The following IL15 variants were observed in gnomAD, a reference collection of about 807,000 sequenced individuals.
The protein encoded by IL15 is interleukin 15, also known as interleukin-15.
A neutral mutation model predicts 19.6 loss-of-function variants in IL15; 11 were observed. The observed-to-expected ratio is 0.56, with a 90% confidence interval of 0.35 to 0.93. IL15 has a LOEUF of 0.93. Ranked by LOEUF, IL15 falls within the 40% of genes least tolerant of loss-of-function variation. IL15 has a pLI of 0.01. For synonymous variants in IL15, 58 were observed against 59.6 expected, an observed-to-expected ratio of 0.97 and a Z score of 0.12; for missense variants, 197 against 186.5, an observed-to-expected ratio of 1.06 and a Z score of -0.33.
rs75073421 is a variant in IL15, at chr4:141,669,855, C to G, written c.-100+13548C>G. Among the ~76,000 whole-genome samples, 973 of 151,230 alleles carry G rather than the reference C, an allele frequency of 6.4e-3. 13 individuals are homozygous for G. Among genetic ancestry groups the G allele is most frequent in the African/African-American group, 0.022 (915 of 41,202 alleles). The stretch of plus-strand genomic sequence containing the variant: ...GACACCAAAAAAAGCTGCAATCTAA[C>G]TTGGCTCATGACAGAGCCTTGACTG... On this transcript the variant is annotated intron_variant, in intron 2 of 7. Coordinates refer to ENST00000320650, the MANE Select transcript of IL15 (RefSeq NM_000585.5).
intron 1 of IL15, among the ~76,000 whole-genome samples, chr4:141,647,182 T>C (rs891170846): frequency 6.6e-5 from 10 of 152,002 alleles, no homozygotes; most frequent in African/African-American, 2.4e-4. Context: ...CTGGTCTTGA[T>C]TGAGTGGGAG....
intron 2 of IL15, among the ~76,000 whole-genome samples, chr4:141,690,204 C>T (rs1016368507): frequency 1.3e-5 from 2 of 152,318 alleles, no homozygotes; most frequent in Admixed American, 6.5e-5. Context: ...GGCCCGCAAG[C>T]GCCGCACGCA....
intron 1 of IL15, among the ~76,000 whole-genome samples, chr4:141,645,584 C>A (rs989731177): frequency 6.6e-6 from 1 of 152,176 alleles, no homozygotes. Flanking sequence ...TCCCACCACT[C>A]AGTCTCATAG....
intron 2 of IL15, 143 bp from the exon 3 acceptor site, chr4:141,719,223 A>C: frequency 2.7e-6 from 1 of 369,650 alleles, no homozygotes; most frequent in Non-Finnish European, 4.8e-6. Flanking sequence ...CCATACCATT[A>C]TTGTAAAGAT....
At position 141,665,505 on chromosome 4, in the gene IL15, G is replaced by A. The variant is rs541449279; in HGVS notation, c.-100+9198G>A. On this transcript the variant is annotated intron_variant, in intron 2 of 7. Transcript: ENST00000320650. ...AGTAGATGTTTTTGGATGAACTTAC[G>A]GATCATAGTGTCAAGTTCGCTTCTT... Among the ~76,000 whole-genome samples, 287 of 151,948 alleles carry A rather than the reference G, an allele frequency of 1.9e-3. 2 individuals carry two copies. The highest frequency in any genetic ancestry group is 6.6e-3 in the African/African-American group (273 of 41,460).
At chr4:141,731,964 A>C (rs376985955) in intron 7 of IL15, among the ~76,000 whole-genome samples, 5 of 152,196 alleles carry the variant, frequency 3.3e-5, no homozygotes, top group African/African-American at 1.2e-4. Context: ...GCTCAGTTCA[A>C]CCAATGGGTG....
chr4:141,701,171 G>A (rs1370176178), intron 2 of IL15, among the ~76,000 whole-genome samples: 1 of 152,010 alleles, frequency 6.6e-6, no homozygotes, highest in African/African-American at 2.4e-5. Context: ...GATCTTTTGG[G>A]GGTGTTATAG....
chr4:141,701,409 G>C (rs1176107647), intron 2 of IL15, among the ~76,000 whole-genome samples: 7 of 152,076 alleles, frequency 4.6e-5, no homozygotes, highest in Non-Finnish European at 1.0e-4. Flanking sequence ...GTTATAGAGA[G>C]ACGTTGTGTG....
chr4:141,714,937 TG>T (rs1729824873), intron 2 of IL15: 1 of 152,152 alleles, frequency 6.6e-6, no homozygotes, highest in Non-Finnish European at 1.5e-5. Flanking sequence ...ATGTATCCAA[TG>T]GCATATTTGA....
At chr4:141,724,756 A>T (rs1730203191) in intron 5 of IL15, among the ~76,000 whole-genome samples, 1 of 152,132 alleles carries the variant, frequency 6.6e-6, no homozygotes, top group African/African-American at 2.4e-5. Context: ...TGAAGATGAA[A>T]TAGACAATCC....
At chr4:141,727,159 C>G (rs1730292909) in intron 5 of IL15, among the ~76,000 whole-genome samples, 1 of 152,030 alleles carries the variant, frequency 6.6e-6, no homozygotes, top group Non-Finnish European at 1.5e-5. Context: ...ACCTGTAAAA[C>G]ATACAACACA....
At chr4:141,720,026 A>G (rs1730020867) in intron 3 of IL15, among the ~76,000 whole-genome samples, 1 of 152,120 alleles carries the variant, frequency 6.6e-6, no homozygotes, top group African/African-American at 2.4e-5. Flanking sequence ...TATTAATATA[A>G]TTCATTTTCA....
At chr4:141,695,433 C>G (rs1729060929) in intron 2 of IL15, among the ~76,000 whole-genome samples, 1 of 151,900 alleles carries the variant, frequency 6.6e-6, no homozygotes, top group Non-Finnish European at 1.5e-5. Flanking sequence ...GACTAAATAG[C>G]ATTCCATTGT....
chr4:141,674,631 A>C (rs956437326), intron 2 of IL15, among the ~76,000 whole-genome samples: 10 of 152,116 alleles, frequency 6.6e-5, no homozygotes, highest in African/African-American at 2.4e-4. Context: ...AGTTTCATAA[A>C]ATAAAATGTT....
chr4:141,642,375 C>T (rs1254936267), intron 1 of IL15, among the ~76,000 whole-genome samples: 2 of 152,176 alleles, frequency 1.3e-5, no homozygotes, highest in African/African-American at 4.8e-5. Flanking sequence ...CGTCTATGTC[C>T]ACAAAGCCCT....
chr4:141,655,734 A>G (rs551843183), intron 1 of IL15, among the ~76,000 whole-genome samples: 1 of 152,274 alleles, frequency 6.6e-6, no homozygotes, highest in African/African-American at 2.4e-5. Context: ...ACTACTTCGT[A>G]TTTGAGTGGA....
chr4:141,661,369 A>G (rs1727781064), intron 2 of IL15, among the ~76,000 whole-genome samples: 1 of 152,176 alleles, frequency 6.6e-6, no homozygotes, highest in Non-Finnish European at 1.5e-5. Flanking sequence ...TTGTTCCCAT[A>G]AGAGGCAGAT....
chr4:141,655,294 G>A (rs2152158153), intron 1 of IL15, among the ~76,000 whole-genome samples: 1 of 151,452 alleles, frequency 6.6e-6, no homozygotes, highest in Non-Finnish European at 1.5e-5. Flanking sequence ...AAAAGAAAAT[G>A]TTCTTTAAGA....
In IL15 at chr4:141,656,218, T is replaced by C. The variant is rs1466110631; in HGVS notation, c.-189T>C. The C allele has an allele frequency of 1.3e-5, 5 of 398,354 alleles. No individual in the cohort carries two copies. Among genetic ancestry groups the C allele is most frequent in the Non-Finnish European group, 2.2e-5 (5 of 225,958 alleles). 24.7% of individuals were successfully genotyped at this position (398,354 alleles called of 1,614,324 possible). A position where few individuals can be genotyped will look rare whatever the true frequency, so the allele number is the denominator to read the frequency against. On this transcript the variant is annotated 5_prime_UTR_variant, in exon 2 of 8. Coordinates refer to ENST00000320650, the MANE Select transcript of IL15 (RefSeq NM_000585.5). ...TCCAATATATGGCCATGTGGCTCTT[T>C]GGAGCAATGTTCCATCATGTTCCAT...
Sources: gnomAD v4.1 joint callset for allele counts (sites outside exome capture counted in the v4.1 genomes callset) on GRCh38, gnomAD v4.1.1 for gene constraint, MANE v1.5 for transcripts, NCBI Gene and HGNC (gene_info 2026-07-23, HGNC 2026-07-21) for gene names.